BRINP3: variants seen among roughly 807,000 people sequenced by gnomAD.
BRINP3 encodes BMP/retinoic acid inducible neural specific 3, also known as BMP/retinoic acid-inducible neural-specific protein 3.
In BRINP3, 19 loss-of-function variants were observed where a neutral mutation model predicts 71.0. That is an observed-to-expected ratio of 0.27 (90% CI 0.19 to 0.39). The LOEUF (loss-of-function observed/expected upper bound fraction) is 0.39. Among genes scored for constraint, BRINP3 ranks in the 10% least tolerant of loss-of-function variants. BRINP3 has a pLI of 1.00. For missense variants in BRINP3, 959 were observed against 940.8 expected (o/e 1.02, Z -0.25); for synonymous variants, 380 against 337.7 (o/e 1.13, Z -1.37).
At chr1:190,284,855 AG>A (rs945193855) in intron 2 of BRINP3, among the ~76,000 whole-genome samples, 1 of 152,092 alleles carries the variant, frequency 6.6e-6, no homozygotes, top group African/African-American at 2.4e-5. Flanking sequence ...TAATAACTAA[AG>A]AAAAATATTT....
At chr1:190,323,099 T>G (rs1318559000) in intron 2 of BRINP3, among the ~76,000 whole-genome samples, 1 of 152,048 alleles carries the variant, frequency 6.6e-6, no homozygotes, top group Admixed American at 6.6e-5. Context: ...TATGGGTGTC[T>G]GGGTTCTCTA....
chr1:190,399,219 C>A (rs1671774084), intron 2 of BRINP3, among the ~76,000 whole-genome samples: 1 of 151,866 alleles, frequency 6.6e-6, no homozygotes, highest in Admixed American at 6.6e-5. Context: ...ATTAAAAACA[C>A]ACCCTCAAAT....
intron 2 of BRINP3, among the ~76,000 whole-genome samples, chr1:190,386,119 T>C (rs1197211210): frequency 7.0e-6 from 1 of 143,716 alleles, no homozygotes; most frequent in Non-Finnish European, 1.5e-5. Context: ...TTGGGAGATA[T>C]ACATAATGCT....
rs865800533 is a variant in BRINP3 at position 190,244,157 on chromosome 1, G to C, written c.619-9680C>G. 2.9e-4 allele frequency among the ~76,000 whole-genome samples: 44 copies of C among 152,094 alleles called. No homozygotes were observed. The Middle Eastern group carries it at 0.014, about 47-fold the overall frequency. On this transcript the variant is annotated intron_variant, in intron 4 of 7. Transcript: ENST00000367462. ...TGAAACCATTCCCTCCACTAAGTTCGTGGAAACAATTTTCTTCCATGAAAC... is the reference window on the plus strand; with the variant it reads ...TGAAACCATTCCCTCCACTAAGTTCCTGGAAACAATTTTCTTCCATGAAAC...
chr1:190,380,771 G>T (rs561204914), intron 2 of BRINP3, among the ~76,000 whole-genome samples: 22 of 151,916 alleles, frequency 1.4e-4, no homozygotes, highest in African/African-American at 5.3e-4. Context: ...TTAATATTAG[G>T]TGTTATTATT....
chr1:190,361,431 T>C (rs538435791), intron 2 of BRINP3, among the ~76,000 whole-genome samples: 2 of 152,170 alleles, frequency 1.3e-5, no homozygotes, highest in Non-Finnish European at 1.5e-5. Context: ...TTTGATGAAG[T>C]CTTGCTCTGT....
chr1:190,303,978 A>G (rs1161100249), intron 2 of BRINP3, among the ~76,000 whole-genome samples: 33 of 151,868 alleles, frequency 2.2e-4, no homozygotes, highest in Admixed American at 2.2e-3. Flanking sequence ...CCATTCATAT[A>G]AAAGTTAGTC....
chr1:190,202,794 T>C (rs767373885), intron 6 of BRINP3, among the ~76,000 whole-genome samples: 97 of 152,144 alleles, frequency 6.4e-4, no homozygotes, highest in Non-Finnish European at 1.2e-3. Context: ...TCCGCCATGA[T>C]TGTGAGGCCT....
At chr1:190,431,129 T>C (rs1674071751) in intron 2 of BRINP3, among the ~76,000 whole-genome samples, 1 of 152,154 alleles carries the variant, frequency 6.6e-6, no homozygotes, top group Non-Finnish European at 1.5e-5. Context: ...GCATAGTGCA[T>C]TTCTGAATTC....
intron 2 of BRINP3, among the ~76,000 whole-genome samples, 190 bp from the exon 3 acceptor site, chr1:190,281,940 G>A (rs966688931): frequency 1.3e-5 from 2 of 150,994 alleles, no homozygotes; most frequent in Admixed American, 6.6e-5. Flanking sequence ...ACCAAGTCAT[G>A]TAAAGGAAAA....
At chr1:190,434,590 A>T (rs1674330339) in intron 2 of BRINP3, among the ~76,000 whole-genome samples, 1 of 151,782 alleles carries the variant, frequency 6.6e-6, no homozygotes, top group Non-Finnish European at 1.5e-5. Context: ...ATTTAAATAT[A>T]TATATATTTA....
intron 4 of BRINP3, among the ~76,000 whole-genome samples, chr1:190,237,385 A>G (rs2102752262): frequency 6.6e-6 from 1 of 151,766 alleles, no homozygotes; most frequent in South Asian, 2.1e-4. Flanking sequence ...TTAATTCTTT[A>G]AAATAATAAT....
At chr1:190,111,808 T>C (rs1461181285) in intron 7 of BRINP3, among the ~76,000 whole-genome samples, 3 of 152,070 alleles carry the variant, frequency 2.0e-5, no homozygotes, top group South Asian at 2.1e-4. Context: ...TCAGGGACCA[T>C]TGGAAGCAAT....
chr1:190,465,143 T>G (rs188723411), intron 1 of BRINP3, among the ~76,000 whole-genome samples: 215 of 152,050 alleles, frequency 1.4e-3, no homozygotes, highest in African/African-American at 5.1e-3. Flanking sequence ...GGTTTTCTGA[T>G]AAATATAAAA....
intron 2 of BRINP3, among the ~76,000 whole-genome samples, chr1:190,319,484 G>T (rs897805392): frequency 1.3e-5 from 2 of 152,018 alleles, no homozygotes; most frequent in South Asian, 2.1e-4. Context: ...AACATTTGAG[G>T]CTGGGTAATT....
chr1:190,359,214 C>A (rs780850180), intron 2 of BRINP3, among the ~76,000 whole-genome samples: 2 of 151,430 alleles, frequency 1.3e-5, no homozygotes, highest in Non-Finnish European at 3.0e-5. Context: ...AACAAACAAA[C>A]AAAAAAGAAT....
chr1:190,335,778 C>A (rs1193667724), intron 2 of BRINP3, among the ~76,000 whole-genome samples: 1 of 151,894 alleles, frequency 6.6e-6, no homozygotes, highest in Non-Finnish European at 1.5e-5. Context: ...CTGAATGAAG[C>A]TAGCTCCTGT....
Position 190,459,857 on chromosome 1 carries a change from G to A in BRINP3, c.-50-4917C>T, listed in dbSNP as rs190906138. On this transcript the variant is annotated intron_variant, in intron 1 of 7. Coordinates refer to ENST00000367462, the MANE Select transcript of BRINP3 (RefSeq NM_199051.3). Reference sequence around the variant, plus strand: ...CCATGGAAAACTGAAAGACTGATACGGTAAACTCTTACATATCTGTCAGTT... The same window carrying A: ...CCATGGAAAACTGAAAGACTGATACAGTAAACTCTTACATATCTGTCAGTT... Among the ~76,000 whole-genome samples the A allele has an allele frequency of 9.0e-4, 136 of 151,930 alleles. 1 individual carries two copies. The highest frequency in any genetic ancestry group is 2.9e-3 in the African/African-American group (122 of 41,488).
At chr1:190,274,651 T>C (rs1163445114) in intron 3 of BRINP3, among the ~76,000 whole-genome samples, 2 of 151,664 alleles carry the variant, frequency 1.3e-5, no homozygotes, top group African/African-American at 4.8e-5. Context: ...TTACAATATT[T>C]TTTGTTATTG....
Sources: allele counts gnomAD v4.1 joint callset (sites outside exome capture counted in the v4.1 genomes callset), GRCh38; gene constraint gnomAD v4.1.1; transcripts MANE v1.5; gene names NCBI Gene and HGNC (gene_info 2026-07-23, HGNC 2026-07-21).